Variants in CCDC171 observed in about 807,000 individuals in gnomAD.
CCDC171 encodes the protein coiled-coil domain containing 171.
Under a neutral mutation model 168.2 loss-of-function variants are expected in CCDC171, and 177 were observed. That is an observed-to-expected ratio of 1.05 (90% CI 0.93 to 1.19). The LOEUF (loss-of-function observed/expected upper bound fraction) is 1.19. Ranked by LOEUF, CCDC171 falls within the 50% of genes most tolerant of loss-of-function variation. CCDC171 has a pLI of 0.00. For missense variants in CCDC171, 1,991 were observed against 1,539.0 expected (o/e 1.29, Z -4.91); for synonymous variants, 687 against 540.8 (o/e 1.27, Z -3.75).
intron 24 of CCDC171, among the ~76,000 whole-genome samples, chr9:15,905,688 G>A (rs1259439530): frequency 6.6e-6 from 1 of 152,076 alleles, no homozygotes; most frequent in Non-Finnish European, 1.5e-5. Context: ...AGAAGTGAAG[G>A]AGATAGAGAC....
intron 8 of CCDC171, among the ~76,000 whole-genome samples, chr9:15,660,718 A>G (rs1355077905): frequency 6.6e-6 from 1 of 152,146 alleles, no homozygotes; most frequent in Non-Finnish European, 1.5e-5. Context: ...TATCCAATCC[A>G]TCATTGATTG....
chr9:15,653,785 A>T (rs966097770), intron 7 of CCDC171, among the ~76,000 whole-genome samples: 1 of 151,832 alleles, frequency 6.6e-6, no homozygotes, highest in Non-Finnish European at 1.5e-5. Flanking sequence ...AAATTTACTT[A>T]GTTAATTCTT....
chr9:15,900,188 A>C (rs1821429568), intron 24 of CCDC171, among the ~76,000 whole-genome samples: 1 of 152,206 alleles, frequency 6.6e-6, no homozygotes, highest in Non-Finnish European at 1.5e-5. Flanking sequence ...GTTACTCATC[A>C]AAAGAGATTG....
intron 7 of CCDC171, among the ~76,000 whole-genome samples, chr9:15,631,572 G>A (rs1039294639): frequency 6.6e-6 from 1 of 152,134 alleles, no homozygotes; most frequent in Non-Finnish European, 1.5e-5. Flanking sequence ...TGGATTCACA[G>A]CCGAATTCTA....
intron 6 of CCDC171, among the ~76,000 whole-genome samples, chr9:15,603,415 C>G (rs774477288): frequency 1.3e-5 from 2 of 152,144 alleles, no homozygotes; most frequent in Non-Finnish European, 2.9e-5. Context: ...TTCACTCCAC[C>G]CTTGACAGGC....
chr9:15,686,775 C>A (rs956773681), intron 10 of CCDC171, among the ~76,000 whole-genome samples: 1 of 152,128 alleles, frequency 6.6e-6, no homozygotes, highest in Non-Finnish European at 1.5e-5. Flanking sequence ...CAAAACCTGA[C>A]ATAATTGAAG....
chr9:15,594,250 T>C, intron 6 of CCDC171, 78 bp downstream of exon 6: 2 of 797,942 alleles, frequency 2.5e-6, no homozygotes, highest in Non-Finnish European at 3.9e-6. Flanking sequence ...GTGGGATAAC[T>C]GACTCGCTCA....
At chr9:15,686,420 C>G (rs766224453) in intron 10 of CCDC171, among the ~76,000 whole-genome samples, 1 of 151,830 alleles carries the variant, frequency 6.6e-6, no homozygotes, top group African/African-American at 2.4e-5. Flanking sequence ...ATATATGTAT[C>G]GGGAGAATGG....
At chr9:16,052,519 G>A (rs1460384958) in intron 1 of CCDC171, among the ~76,000 whole-genome samples, 1 of 152,084 alleles carries the variant, frequency 6.6e-6, no homozygotes, top group Non-Finnish European at 1.5e-5. Flanking sequence ...AGGAAACTGA[G>A]GCCTAGGAAG....
At chr9:15,951,857 A>T (rs10756724) in intron 25 of CCDC171, among the ~76,000 whole-genome samples, 47,408 of 151,982 alleles carry the variant, frequency 0.31, 9,192 homozygotes, top group East Asian at 0.62. Context: ...CACACAATTT[A>T]AAAATTATCA....
chr9:15,939,803 T>A (rs1413802374), intron 25 of CCDC171, among the ~76,000 whole-genome samples: 2 of 151,952 alleles, frequency 1.3e-5, no homozygotes, highest in Non-Finnish European at 2.9e-5. Context: ...ATAACTGATC[T>A]GTTAAATAAG....
intron 24 of CCDC171, chr9:15,888,101 A>G (rs1434331832): frequency 2.0e-5 from 3 of 152,124 alleles, no homozygotes; most frequent in African/African-American, 7.2e-5. Context: ...AGAAACACTT[A>G]CCTCTATGGA....
chr9:16,102,579 TA>T, the CCDC171 span, among the ~76,000 whole-genome samples: 3 of 152,168 alleles, frequency 2.0e-5, no homozygotes, highest in African/African-American at 7.2e-5. Flanking sequence ...AGGCATGGAT[TA>T]AGTTTCTGTG....
At chr9:15,944,826 T>TTTCC (rs1828123363) in intron 25 of CCDC171, among the ~76,000 whole-genome samples, 1 of 27,296 alleles carries the variant, frequency 3.7e-5, no homozygotes, top group African/African-American at 1.3e-4. Context: ...TAGAATTCTT[T>TTTCC]TTCTTTCTTT....
chr9:15,691,875 A>T (rs996460259), intron 10 of CCDC171, among the ~76,000 whole-genome samples: 6 of 151,864 alleles, frequency 4.0e-5, no homozygotes, highest in African/African-American at 1.5e-4. Flanking sequence ...ATGGGATCTC[A>T]CTATGTTGCC....
At chr9:15,743,311 G>A (rs1332100737) in intron 16 of CCDC171, among the ~76,000 whole-genome samples, 2 of 151,520 alleles carry the variant, frequency 1.3e-5, no homozygotes, top group African/African-American at 4.9e-5. Context: ...AACTATAGGT[G>A]TACACCACTA....
chr9:15,799,770 C>G (rs2058731263), intron 21 of CCDC171, among the ~76,000 whole-genome samples: 1 of 151,980 alleles, frequency 6.6e-6, no homozygotes. Context: ...CCACACATTC[C>G]CCACTACTCT....
intron 21 of CCDC171, among the ~76,000 whole-genome samples, chr9:15,806,887 G>C (rs554575076): frequency 6.6e-6 from 1 of 152,006 alleles, no homozygotes; most frequent in African/African-American, 2.4e-5. Context: ...GCTTCTTTAC[G>C]TAATCCCATG....
chr9:15,691,303 C>CTA (rs2050756749), intron 10 of CCDC171, among the ~76,000 whole-genome samples: 1 of 151,472 alleles, frequency 6.6e-6, no homozygotes, highest in Non-Finnish European at 1.5e-5. Flanking sequence ...GTGAAACATA[C>CTA]TATGAGTGGA....
Sources: gnomAD v4.1 joint callset for allele counts (sites outside exome capture counted in the v4.1 genomes callset) on GRCh38, gnomAD v4.1.1 for gene constraint, MANE v1.5 for transcripts, NCBI Gene and HGNC (gene_info 2026-07-23, HGNC 2026-07-21) for gene names.